CFAP77: variants seen among roughly 807,000 people sequenced by gnomAD.
The protein encoded by CFAP77 is cilia- and flagella-associated protein 77.
In CFAP77, 25 loss-of-function variants were observed where a neutral mutation model predicts 31.1. The observed-to-expected ratio is 0.80, with a 90% CI of 0.59 to 1.12. The LOEUF (loss-of-function observed/expected upper bound fraction) is 1.12, where lower values mean the gene tolerates loss of function less well. Among genes scored for constraint, CFAP77 ranks in the 50% most tolerant of loss-of-function variants. The pLI, the probability that CFAP77 is intolerant of heterozygous loss-of-function variation, is 0.00. For synonymous variants in CFAP77, 151 were observed against 159.9 expected (o/e 0.94, Z 0.42); for missense variants, 377 against 397.3 (o/e 0.95, Z 0.44).
intron 1 of CFAP77, among the ~76,000 whole-genome samples, chr9:132,443,450 T>C (rs1850653648): frequency 6.6e-6 from 1 of 152,078 alleles, no homozygotes; most frequent in Non-Finnish European, 1.5e-5. Flanking sequence ...TTGGGGTTTC[T>C]CCATGTTGGT....
chr9:132,423,143 G>T (rs932931698), intron 1 of CFAP77, among the ~76,000 whole-genome samples: 1 of 152,198 alleles, frequency 6.6e-6, no homozygotes, highest in African/African-American at 2.4e-5. Context: ...CACCCAGGGG[G>T]CATAAATTCG....
At chr9:132,441,684 G>T (rs893600411) in intron 1 of CFAP77, among the ~76,000 whole-genome samples, 1 of 152,222 alleles carries the variant, frequency 6.6e-6, no homozygotes, top group Non-Finnish European at 1.5e-5. Flanking sequence ...TGCTTAGGCT[G>T]CCTCGGTGCG....
At chr9:132,449,391 G>C (rs1850783695) in intron 1 of CFAP77, among the ~76,000 whole-genome samples, 1 of 150,340 alleles carries the variant, frequency 6.7e-6, no homozygotes, top group Non-Finnish European at 1.5e-5. Flanking sequence ...CTACAGTTTT[G>C]TTCTTCCTAG....
Position 132,480,299 on chromosome 9 carries a change from C to T in CFAP77, c.196-18396C>T, listed in dbSNP as rs1008765969. ...TCCAGAGACTCCAACCCTGTGGGGT[C>T]AACAGCAGGGCAGGAAAGGGCTTTC... is the stretch of plus-strand genomic sequence containing the variant. On this transcript the variant is annotated intron_variant, in intron 1 of 5. Transcript: ENST00000393216. This position sits in a 1 kb window ranked among gnomAD's most constrained non-coding sequence, Gnocchi z 5.8. Among the ~76,000 whole-genome samples, 30 of 143,104 alleles carry T rather than the reference C, an allele frequency of 2.1e-4. No homozygotes were observed. Among genetic ancestry groups the T allele is most frequent in the Admixed American group, 4.8e-4 (7 of 14,574 alleles). 93.9% of individuals were successfully genotyped at this position (143,104 alleles called of 152,430 possible).
chr9:132,556,998 A>G (rs1445267970), intron 5 of CFAP77, among the ~76,000 whole-genome samples: 1 of 152,166 alleles, frequency 6.6e-6, no homozygotes, highest in Non-Finnish European at 1.5e-5. Context: ...CTCCGGCGCT[A>G]AATTCTTTTC....
intron 1 of CFAP77, among the ~76,000 whole-genome samples, chr9:132,469,794 A>G (rs963572500): frequency 6.6e-6 from 1 of 151,762 alleles, no homozygotes; most frequent in African/African-American, 2.4e-5. Flanking sequence ...AATGGACAAC[A>G]GTCCATCTGC....
intron 3 of CFAP77, among the ~76,000 whole-genome samples, chr9:132,526,013 T>C (rs986962277): frequency 3.3e-5 from 5 of 152,238 alleles, no homozygotes; most frequent in African/African-American, 1.2e-4. Context: ...AGGATGTTTT[T>C]GTTTTCCAGT....
chr9:132,540,520 T>A (rs1852622734), intron 4 of CFAP77, among the ~76,000 whole-genome samples: 1 of 152,208 alleles, frequency 6.6e-6, no homozygotes, highest in African/African-American at 2.4e-5. Context: ...TCTAGACTCA[T>A]GGCTGAGGGC....
At chr9:132,530,880 C>A (rs1458705963) in intron 3 of CFAP77, among the ~76,000 whole-genome samples, 1 of 152,106 alleles carries the variant, frequency 6.6e-6, no homozygotes, top group Non-Finnish European at 1.5e-5. Context: ...CCTATGTTTT[C>A]TTCTAGAAGT....
At chr9:132,427,361 T>C (rs1367941011) in intron 1 of CFAP77, among the ~76,000 whole-genome samples, 3 of 152,200 alleles carry the variant, frequency 2.0e-5, no homozygotes, top group African/African-American at 4.8e-5. Context: ...GCCCATCCTA[T>C]GTCCCACCCA....
At chr9:132,489,282 TTC>T (rs1326047928) in intron 1 of CFAP77, among the ~76,000 whole-genome samples, 1 of 152,222 alleles carries the variant, frequency 6.6e-6, no homozygotes, top group Non-Finnish European at 1.5e-5. Flanking sequence ...AAGGGGTCTC[TTC>T]TCTTTTTGAG....
chr9:132,477,194 C>T (rs913400127), intron 1 of CFAP77, among the ~76,000 whole-genome samples: 1 of 152,152 alleles, frequency 6.6e-6, no homozygotes, highest in Non-Finnish European at 1.5e-5. Context: ...CTGCCTCTGG[C>T]GATTAGCAAG....
chr9:132,459,055 T>G (rs900050949), intron 1 of CFAP77, among the ~76,000 whole-genome samples: 1 of 151,024 alleles, frequency 6.6e-6, no homozygotes, highest in Non-Finnish European at 1.5e-5. Context: ...GGCAGCCCAG[T>G]CTACAGCCCT....
intron 1 of CFAP77, among the ~76,000 whole-genome samples, chr9:132,427,731 T>A (rs1850341352): frequency 6.6e-6 from 1 of 152,224 alleles, no homozygotes; most frequent in African/African-American, 2.4e-5. Context: ...CTCTCCTGGT[T>A]TGTAGATGGC....
At chr9:132,456,570 C>T (rs1850917965) in intron 1 of CFAP77, among the ~76,000 whole-genome samples, 2 of 152,154 alleles carry the variant, frequency 1.3e-5, no homozygotes, top group African/African-American at 2.4e-5. Context: ...TGGACTTGAG[C>T]GCCCGTGCAG....
chr9:132,529,296 G>C (rs1852391643), intron 3 of CFAP77, among the ~76,000 whole-genome samples: 1 of 122,434 alleles, frequency 8.2e-6, no homozygotes, highest in South Asian at 3.1e-4. Context: ...TCATAGGTGG[G>C]AATTGAACAA....
intron 3 of CFAP77, among the ~76,000 whole-genome samples, chr9:132,510,278 G>C (rs753884613): frequency 1.3e-5 from 2 of 152,198 alleles, no homozygotes; most frequent in Non-Finnish European, 2.9e-5. Flanking sequence ...TTCCAGAGCT[G>C]GGCCTCACCC....
intron 5 of CFAP77, among the ~76,000 whole-genome samples, chr9:132,546,471 G>A (rs1242191756): frequency 6.6e-6 from 1 of 151,812 alleles, no homozygotes; most frequent in Non-Finnish European, 1.5e-5. Context: ...CCCCGCTCAC[G>A]AGCAGATGTC....
At chr9:132,465,584 G>A (rs999983529) in intron 1 of CFAP77, among the ~76,000 whole-genome samples, 1 of 152,200 alleles carries the variant, frequency 6.6e-6, no homozygotes, top group African/African-American at 2.4e-5. Context: ...GGGAGGCACA[G>A]AAAGACACAC....
Sources: gnomAD v4.1 joint callset for allele counts (sites outside exome capture counted in the v4.1 genomes callset) on GRCh38, gnomAD v4.1.1 for gene constraint, Gnocchi (gnomAD v3.1) non-coding constraint, MANE v1.5 for transcripts, NCBI Gene and HGNC (gene_info 2026-07-23, HGNC 2026-07-21) for gene names.